DNAAF1: variants seen among roughly 807,000 people sequenced by gnomAD.
The protein encoded by DNAAF1 is dynein assembly factor 1, axonemal.
A neutral mutation model predicts 71.1 loss-of-function variants in DNAAF1; 65 were observed. The observed-to-expected ratio is 0.91, with a 90% CI of 0.75 to 1.12. DNAAF1 has a LOEUF of 1.12. Among genes scored for constraint, DNAAF1 ranks in the 50% most tolerant of loss-of-function variants. The pLI is 0.00. For synonymous variants in DNAAF1, 414 were observed against 354.6 expected (o/e 1.17, Z -1.88); for missense variants, 1,178 against 899.8 (o/e 1.31, Z -3.96).
rs139714259 is a variant in DNAAF1 at position 84,176,225 on chromosome 16, C to T, written c.1991C>T (p.Thr664Ile). Reference sequence around the variant, plus strand: ...TCTGGCCAGCTACTGATGCCCCCCACCTGCCAAAGAGATGCTGCACCACTC... The same window carrying T: ...TCTGGCCAGCTACTGATGCCCCCCATCTGCCAAAGAGATGCTGCACCACTC... Reference protein sequence around the residue: ...DPSGQLLMPPTCQRDAAPLTS... With the variant: ...DPSGQLLMPPICQRDAAPLTS... The change falls in exon 11 of 12, where the codon ACC (threonine) becomes ATC (isoleucine). Residue 664 changes from threonine (T) to isoleucine (I), a missense_variant. By Grantham distance (89) the Thr-to-Ile change is moderately conservative. Transcript: ENST00000378553. 1.9e-6 allele frequency: 3 copies of T among 1,613,780 alleles called. No individual in the cohort carries two copies. Among genetic ancestry groups the T allele is most frequent in the Non-Finnish European group, 2.5e-6 (3 of 1,180,030 alleles).
intron 6 of DNAAF1, among the ~76,000 whole-genome samples, chr16:84,162,604 A>G (rs1470352368): frequency 1.3e-5 from 2 of 151,962 alleles, no homozygotes; most frequent in Non-Finnish European, 1.5e-5. Context: ...GCAGATCACC[A>G]GGTCAAGAGA....
intron 6 of DNAAF1, among the ~76,000 whole-genome samples, chr16:84,160,127 T>G (rs1035724525): frequency 1.3e-5 from 2 of 152,250 alleles, no homozygotes. Flanking sequence ...TCTAGTTGTT[T>G]TCTAGAGAGT....
chr16:84,145,863 G>T (rs1028593502), intron 1 of DNAAF1, among the ~76,000 whole-genome samples: 3 of 152,164 alleles, frequency 2.0e-5, no homozygotes, highest in African/African-American at 7.2e-5. Flanking sequence ...GGAGGCCGAG[G>T]CGGGCGGATC....
intron 6 of DNAAF1, among the ~76,000 whole-genome samples, chr16:84,161,408 C>G (rs546172087): frequency 9.2e-5 from 14 of 152,280 alleles, no homozygotes; most frequent in African/African-American, 2.2e-4. Flanking sequence ...TTTTTAGAGA[C>G]GGGGTTGCAC....
chr16:84,154,890 AGTG>A (rs952584694), intron 4 of DNAAF1, 92 bp downstream of exon 4: 4 of 1,126,574 alleles, frequency 3.6e-6, no homozygotes, highest in Non-Finnish European at 5.3e-6. Flanking sequence ...ATGGGCAAGA[AGTG>A]GTGTTTTTTT....
chr16:84,148,596 C>CTCTCTTTTTTTTTTT lies in DNAAF1; in HGVS notation c.125-410_125-409insCTCTTTTTTTTTTTT. ...AAAGATTACTGTTCTCTCTCTCTCT[C>CTCTCTTTTTTTTTTT]TTTTTTTTTTTTTTTTTTGGTGAGA... On this transcript the variant is annotated intron_variant, in intron 1 of 11. Coordinates refer to ENST00000378553, the MANE Select transcript of DNAAF1 (RefSeq NM_178452.6). Among the ~76,000 whole-genome samples, 16 of 43,574 alleles carry CTCTCTTTTTTTTTTT rather than the reference C, an allele frequency of 3.7e-4. 2 individuals carry two copies. The highest frequency in any genetic ancestry group is 9.2e-4 in the African/African-American group (10 of 10,860). The allele number at this position is 43,574 out of a possible 152,430, so 28.6% of individuals were successfully genotyped here.
chr16:84,153,223 T>C (rs2087264017), intron 3 of DNAAF1, among the ~76,000 whole-genome samples: 1 of 152,266 alleles, frequency 6.6e-6, no homozygotes, highest in South Asian at 2.1e-4. Context: ...ATACTTCCAC[T>C]ATAAAAATTT....
intron 5 of DNAAF1, among the ~76,000 whole-genome samples, chr16:84,158,416 G>A (rs1325218957): frequency 6.6e-6 from 1 of 152,082 alleles, no homozygotes; most frequent in East Asian, 1.9e-4. Context: ...ACACCAGTCA[G>A]ATTGGATTAC....
intron 5 of DNAAF1, 118 bp from the exon 6 acceptor site, chr16:84,159,557 G>A: frequency 1.5e-6 from 2 of 1,371,516 alleles, no homozygotes; most frequent in Non-Finnish European, 2.0e-6. Flanking sequence ...CAGGATATTG[G>A]CACTTCTATT....
intron 5 of DNAAF1, 110 bp from the exon 6 acceptor site, chr16:84,159,565 A>T: frequency 2.7e-6 from 4 of 1,456,754 alleles, no homozygotes; most frequent in Non-Finnish European, 3.7e-6. Flanking sequence ...TGGCACTTCT[A>T]TTTTGCTCAA....
chr16:84,171,171 C>T (rs2088319823), intron 8 of DNAAF1, among the ~76,000 whole-genome samples: 1 of 152,136 alleles, frequency 6.6e-6, no homozygotes, highest in Admixed American at 6.5e-5. Flanking sequence ...CGAGGTGGCT[C>T]ACACATGTAA....
chr16:84,159,049 C>A lies in DNAAF1; in HGVS notation c.742-626C>A, dbSNP rs574035623. 813 of 988,092 alleles carry A rather than the reference C, an allele frequency of 8.2e-4. 21 individuals carry two copies. The South Asian group carries it at 0.033, about 40-fold the overall frequency. The allele number at this position is 988,092 out of a possible 1,614,324, so 61.2% of individuals were successfully genotyped here. ...CCCAGCCCCACTAAGCATTAAACTT[C>A]TTTGAGTTTCTTAAGGCAGTAGAGG... On this transcript the variant is annotated intron_variant, in intron 5 of 11. Coordinates refer to ENST00000378553, the MANE Select transcript of DNAAF1 (RefSeq NM_178452.6).
chr16:84,153,625 T>A (rs1389165977), intron 3 of DNAAF1, among the ~76,000 whole-genome samples: 2 of 152,156 alleles, frequency 1.3e-5, no homozygotes, highest in Non-Finnish European at 2.9e-5. Context: ...TTAGAATTTT[T>A]TAATAAAAAC....
At chr16:84,170,411 C>G in intron 8 of DNAAF1, 55 bp downstream of exon 8, 1 of 1,611,400 alleles carries the variant, frequency 6.2e-7, no homozygotes, top group South Asian at 1.1e-5. Flanking sequence ...GGAGCCCCAG[C>G]CTTCGACTCA....
chr16:84,174,602 C>T (rs1221860059), intron 9 of DNAAF1, 67 bp from the exon 10 acceptor site: 59 of 1,613,526 alleles, frequency 3.7e-5, no homozygotes, highest in African/African-American at 9.3e-5. Context: ...TTGCCTTTAT[C>T]GTGCCTATCA....
intron 5 of DNAAF1, chr16:84,158,918 ATG>A: frequency 2.2e-6 from 1 of 453,634 alleles, no homozygotes; most frequent in Non-Finnish European, 2.9e-6. Flanking sequence ...TTTAGTAGAG[ATG>A]GGGTTTCACC....
chr16:84,145,906 G>C (rs1215709487), intron 1 of DNAAF1, among the ~76,000 whole-genome samples: 2 of 152,064 alleles, frequency 1.3e-5, no homozygotes, highest in Non-Finnish European at 2.9e-5. Context: ...GACCAGCCTG[G>C]CCAACATAGT....
intron 4 of DNAAF1, 132 bp downstream of exon 4, chr16:84,154,930 A>C (rs1357416553): frequency 4.8e-6 from 4 of 829,248 alleles, no homozygotes. Flanking sequence ...TTTTTTTGAG[A>C]CAGAGTCTTG....
At chr16:84,145,619 C>T (rs2086862807) in intron 1 of DNAAF1, 55 bp downstream of exon 1, 2 of 1,531,002 alleles carry the variant, frequency 1.3e-6, no homozygotes, top group African/African-American at 1.4e-5. Flanking sequence ...CGGCTAGGCG[C>T]TCCAGCCCCC....
Sources: gnomAD v4.1 joint callset for allele counts (sites outside exome capture counted in the v4.1 genomes callset) on GRCh38, gnomAD v4.1.1 for gene constraint, MANE v1.5 for transcripts, NCBI Gene and HGNC (gene_info 2026-07-23, HGNC 2026-07-21) for gene names.